Variants in MYO16 observed in about 807,000 individuals in gnomAD.
MYO16 encodes the protein unconventional myosin-XVI.
In MYO16, 94 loss-of-function variants were observed where a neutral mutation model predicts 205.3. That is an observed-to-expected ratio of 0.46 (90% CI 0.39 to 0.54). The LOEUF is 0.54. Ranked by LOEUF, MYO16 falls within the 20% of genes least tolerant of loss-of-function variation. The pLI is 0.00. For synonymous variants in MYO16, 988 were observed against 954.0 expected (o/e 1.04, Z -0.66); for missense variants, 2,315 against 2,387.5 (o/e 0.97, Z 0.63).
chr13:109,106,813 A>C (rs1486779748), intron 28 of MYO16, among the ~76,000 whole-genome samples: 6 of 152,172 alleles, frequency 3.9e-5, no homozygotes, highest in African/African-American at 1.4e-4. Flanking sequence ...ATAGTTCAAG[A>C]AGATGTCGAG....
At chr13:109,065,625 T>C in intron 27 of MYO16, 1 of 461,888 alleles carries the variant, frequency 2.2e-6, no homozygotes, top group Non-Finnish European at 4.1e-6. Flanking sequence ...AAAGCTGCCT[T>C]TATCACCCTG....
At chr13:108,908,352 A>T (rs1326453989) in intron 15 of MYO16, among the ~76,000 whole-genome samples, 1 of 152,346 alleles carries the variant, frequency 6.6e-6, no homozygotes, top group South Asian at 2.1e-4. Context: ...TGAAATTTTT[A>T]AAAACTGTGA....
intron 1 of MYO16, among the ~76,000 whole-genome samples, chr13:108,605,463 G>A (rs960810648): frequency 1.3e-5 from 2 of 152,148 alleles, no homozygotes; most frequent in Non-Finnish European, 2.9e-5. Flanking sequence ...TGTTGGGTGA[G>A]GGTCCACGTG....
chr13:108,625,031 A>G (rs2139341727), upstream of MYO16, among the ~76,000 whole-genome samples: 1 of 152,300 alleles, frequency 6.6e-6, no homozygotes, highest in East Asian at 1.9e-4. Flanking sequence ...TCACTAAAGC[A>G]GGGCTCAGCT....
chr13:108,560,234 T>C, the MYO16 span, among the ~76,000 whole-genome samples: 1 of 152,208 alleles, frequency 6.6e-6, no homozygotes, highest in African/African-American at 2.4e-5. Flanking sequence ...TATGATGCAG[T>C]TCACCATACA....
At chr13:108,997,334 A>G (rs867672524) in intron 21 of MYO16, among the ~76,000 whole-genome samples, 19 of 5,156 alleles carry the variant, frequency 3.7e-3, no homozygotes, top group African/African-American at 0.011. Flanking sequence ...GAAAGAAAGA[A>G]AGAAAGAGAG....
At chr13:109,161,793 G>A (rs1016398557) in intron 32 of MYO16, among the ~76,000 whole-genome samples, 4 of 152,148 alleles carry the variant, frequency 2.6e-5, no homozygotes, top group Non-Finnish European at 4.4e-5. Context: ...CTGTGTGACC[G>A]TTTAAAAGCA....
intron 32 of MYO16, among the ~76,000 whole-genome samples, chr13:109,154,387 G>A (rs1459745569): frequency 2.0e-5 from 3 of 152,196 alleles, no homozygotes; most frequent in South Asian, 4.1e-4. Flanking sequence ...GCTCAAGGTC[G>A]ATGACTCATG....
intron 2 of MYO16, among the ~76,000 whole-genome samples, chr13:108,683,375 G>A (rs1305657129): frequency 6.6e-6 from 1 of 152,058 alleles, no homozygotes; most frequent in South Asian, 2.1e-4. Flanking sequence ...AGCCTTTGAC[G>A]ACAGACAGTA....
intron 21 of MYO16, among the ~76,000 whole-genome samples, chr13:108,993,222 C>A (rs1884895346): frequency 6.6e-6 from 1 of 152,050 alleles, no homozygotes. Context: ...GTAGGATAAA[C>A]AATTAAATAG....
At chr13:108,666,777 C>T (rs1245762144) in intron 2 of MYO16, among the ~76,000 whole-genome samples, 1 of 152,140 alleles carries the variant, frequency 6.6e-6, no homozygotes, top group Non-Finnish European at 1.5e-5. Flanking sequence ...CAATGCAAAT[C>T]TCAATTGTCT....
chr13:108,500,541 G>GGAC, the MYO16 span, among the ~76,000 whole-genome samples: 1 of 151,948 alleles, frequency 6.6e-6, no homozygotes, highest in Non-Finnish European at 1.5e-5. Context: ...ATTACTGTTC[G>GGAC]TTGGTTTATT....
chr13:109,046,018 C>T (rs1470422486), intron 23 of MYO16, among the ~76,000 whole-genome samples: 1 of 151,428 alleles, frequency 6.6e-6, no homozygotes, highest in African/African-American at 2.4e-5. Flanking sequence ...CTCGCCCTCC[C>T]TCATGGCGGA....
chr13:108,580,253 T>G, the MYO16 span, among the ~76,000 whole-genome samples: 5 of 152,236 alleles, frequency 3.3e-5, no homozygotes, highest in African/African-American at 1.2e-4. Context: ...TGTCTCTCTT[T>G]ACTAAATCAT....
chr13:109,060,437 A>G (rs1897275), intron 27 of MYO16, among the ~76,000 whole-genome samples: 74,638 of 151,050 alleles, frequency 0.49, 18,464 homozygotes, highest in Middle Eastern at 0.55. Flanking sequence ...TGAACAATGA[A>G]ATCACATGGA....
intron 2 of MYO16, among the ~76,000 whole-genome samples, chr13:108,700,024 C>T (rs148185738): frequency 0.02 from 3,002 of 152,056 alleles, 86 homozygotes; most frequent in African/African-American, 0.069. Flanking sequence ...TAATCAAAGG[C>T]TTCCAACAAT....
intron 27 of MYO16, among the ~76,000 whole-genome samples, chr13:109,097,206 T>A (rs575518633): frequency 2.4e-4 from 37 of 152,214 alleles, no homozygotes; most frequent in South Asian, 1.5e-3. Flanking sequence ...GCGGGCACCA[T>A]TAATCCCATC....
At chr13:109,173,329 A>G (rs1318211736) in intron 33 of MYO16, among the ~76,000 whole-genome samples, 1 of 152,214 alleles carries the variant, frequency 6.6e-6, no homozygotes, top group Non-Finnish European at 1.5e-5. Context: ...AATAATGTCA[A>G]ATGAATCCCA....
intron 1 of MYO16, among the ~76,000 whole-genome samples, chr13:108,622,765 G>A (rs142287660): frequency 1.8e-4 from 28 of 152,104 alleles, no homozygotes; most frequent in East Asian, 5.8e-4. Flanking sequence ...ACATGAAGTC[G>A]TGGATCATGA....
Sources: gnomAD v4.1 joint callset for allele counts (sites outside exome capture counted in the v4.1 genomes callset) on GRCh38, gnomAD v4.1.1 for gene constraint, MANE v1.5 for transcripts, NCBI Gene and HGNC (gene_info 2026-07-23, HGNC 2026-07-21) for gene names.